DLG1: variants seen among roughly 807,000 people sequenced by gnomAD.
DLG1 encodes the protein disks large homolog 1.
DLG1 carries 42 observed loss-of-function variants against 123.4 expected under a neutral mutation model. The ratio of observed to expected loss-of-function variants is 0.34; its 90% CI spans 0.27 to 0.44. DLG1 has a LOEUF of 0.44. Among genes scored for constraint, DLG1 ranks in the 20% least tolerant of loss-of-function variants. The pLI is 1.00. For synonymous variants in DLG1, 317 were observed against 356.2 expected (o/e 0.89, Z 1.24); for missense variants, 942 against 1,082.6 (o/e 0.87, Z 1.82).
chr3:197,102,573 G>A (rs527796839), intron 14 of DLG1, among the ~76,000 whole-genome samples: 1 of 152,262 alleles, frequency 6.6e-6, no homozygotes, highest in Non-Finnish European at 1.5e-5. Flanking sequence ...TGAATGTGAG[G>A]CTACTTTTAA....
chr3:197,256,786 T>C (rs1239824441), intron 4 of DLG1, among the ~76,000 whole-genome samples: 1 of 152,102 alleles, frequency 6.6e-6, no homozygotes, highest in Non-Finnish European at 1.5e-5. Context: ...CCTCACCATA[T>C]AAAATGAGGA....
chr3:197,128,250 G>A (rs73891628), intron 11 of DLG1, among the ~76,000 whole-genome samples: 37 of 152,196 alleles, frequency 2.4e-4, no homozygotes, highest in African/African-American at 7.5e-4. Flanking sequence ...CTTTGTTGCC[G>A]TTTCGATAAT....
At position 197,194,490 on chromosome 3, in the gene DLG1, T is replaced by G; in HGVS notation, c.418A>C (p.Lys140Gln). 1 of 1,606,530 alleles carries G rather than the reference T, an allele frequency of 6.2e-7. No homozygotes were observed. The highest frequency in any genetic ancestry group is 8.5e-7 in the Non-Finnish European group (1 of 1,177,134). Residue 140 changes from lysine to glutamine, a missense_variant, in exon 5 of 25, where the codon AAG becomes CAG. Physicochemically the swap from Lys to Gln is moderately conservative, Grantham distance 53. Coordinates refer to ENST00000667157, the MANE Select transcript of DLG1 (RefSeq NM_001366207.1). ...ACATTCTCAATCTCTGATAAGTTCT[T>G]CTCTGAGACATGAACCAATTCTGGA... is the stretch of plus-strand genomic sequence containing the variant. ...IGPELVHVSE[K>Q]NLSEIENVHG...
intron 11 of DLG1, among the ~76,000 whole-genome samples, chr3:197,120,745 A>G (rs1019034495): frequency 5.3e-5 from 8 of 152,228 alleles, no homozygotes; most frequent in Non-Finnish European, 1.2e-4. Context: ...AAATGACTGA[A>G]ACGATAGTAT....
chr3:197,075,517 G>A (rs907746240), intron 18 of DLG1, among the ~76,000 whole-genome samples: 3 of 151,380 alleles, frequency 2.0e-5, no homozygotes, highest in African/African-American at 7.3e-5. Flanking sequence ...TAATAATGAG[G>A]GTACATTTAA....
chr3:197,145,835 G>A (rs1351613569), intron 6 of DLG1, among the ~76,000 whole-genome samples: 4 of 140,226 alleles, frequency 2.9e-5, no homozygotes, highest in Non-Finnish European at 6.2e-5. Flanking sequence ...GGTGGTGCAC[G>A]TCTTTAATCC....
intron 5 of DLG1, among the ~76,000 whole-genome samples, chr3:197,185,160 A>C (rs1715070887): frequency 1.3e-5 from 2 of 152,242 alleles, no homozygotes; most frequent in African/African-American, 4.8e-5. Context: ...TCTAATTTTT[A>C]AGCTGATAAG....
At chr3:197,082,913 G>GCTTT (rs1223980701) in intron 16 of DLG1, among the ~76,000 whole-genome samples, 5 of 152,062 alleles carry the variant, frequency 3.3e-5, no homozygotes, top group African/African-American at 9.7e-5. Context: ...TTTATTATTG[G>GCTTT]GTGTAGGCAC....
chr3:197,193,710 T>C (rs1720888929), intron 5 of DLG1, among the ~76,000 whole-genome samples: 1 of 152,158 alleles, frequency 6.6e-6, no homozygotes, highest in Non-Finnish European at 1.5e-5. Context: ...AAATATATGG[T>C]AGAACTTTAA....
At chr3:197,232,438 T>C (rs564259618) in intron 4 of DLG1, among the ~76,000 whole-genome samples, 8 of 151,854 alleles carry the variant, frequency 5.3e-5, no homozygotes, top group Admixed American at 3.3e-4. Flanking sequence ...AAAACTATTA[T>C]TTTAGAAAAA....
intron 19 of DLG1, among the ~76,000 whole-genome samples, chr3:197,068,245 T>G (rs1741103908): frequency 6.6e-6 from 1 of 152,206 alleles, no homozygotes; most frequent in African/African-American, 2.4e-5. Context: ...ATTTCACACC[T>G]TAATAATTCA....
At chr3:197,292,914 G>A (rs11917920) in intron 3 of DLG1, among the ~76,000 whole-genome samples, 20,618 of 152,106 alleles carry the variant, frequency 0.14, 1,472 homozygotes, top group Middle Eastern at 0.15. Context: ...CTCTGATCCC[G>A]TAAGAAATAA....
At chr3:197,297,458 C>T (rs1353376735) in intron 1 of DLG1, 1 of 1,362,224 alleles carries the variant, frequency 7.3e-7, no homozygotes, top group East Asian at 2.9e-5. Flanking sequence ...AAGTCGGCTT[C>T]CAAACTCTCC....
chr3:197,285,791 C>A (rs535481402), intron 3 of DLG1, among the ~76,000 whole-genome samples: 1 of 152,310 alleles, frequency 6.6e-6, no homozygotes, highest in South Asian at 2.1e-4. Flanking sequence ...CAAAATGGTA[C>A]AACCACTTTG....
At position 197,194,542 on chromosome 3, in the gene DLG1, G is replaced by A; in HGVS notation, c.366C>T (p.Ser122=). ...DEDTPPQEHI[S]PQITNEVIGP... ...CTATCACTTCATTTGTGATTTGTGGGGAAATATGCTCTTGAGGAGGTGTAT... is the reference window on the plus strand; with the variant it reads ...CTATCACTTCATTTGTGATTTGTGGAGAAATATGCTCTTGAGGAGGTGTAT... The change falls in exon 5 of 25, where the codon TCC becomes TCT. Residue 122 remains serine (S), a synonymous_variant. Coordinates refer to ENST00000667157, the MANE Select transcript of DLG1 (RefSeq NM_001366207.1). 1 of 1,605,134 alleles carries A rather than the reference G, an allele frequency of 6.2e-7. No individual in the cohort carries two copies.
chr3:197,297,266 A>AT, intron 1 of DLG1, 31 bp from the exon 2 acceptor site: 1 of 1,612,152 alleles, frequency 6.2e-7, no homozygotes, highest in Non-Finnish European at 8.5e-7. Context: ...AGGAAAAAGG[A>AT]TAGAATCATG....
intron 23 of DLG1, among the ~76,000 whole-genome samples, chr3:197,054,679 C>T (rs1278411892): frequency 6.6e-6 from 1 of 152,084 alleles, no homozygotes; most frequent in Non-Finnish European, 1.5e-5. Flanking sequence ...AGGTCTCCCT[C>T]TGTTGCTCAG....
rs962646183 is a variant in DLG1, at chr3:197,067,256, T to G, written c.2048-502A>C. Among the ~76,000 whole-genome samples, 8 of 152,050 alleles carry G rather than the reference T, an allele frequency of 5.3e-5. No individual in the cohort carries two copies. The South Asian group carries it at 1.7e-3, about 32-fold the overall frequency. ...ATTATAAATGCAAAGGTAAAACTAC[T>G]GTTACTATTTCACTGATGAAAAATT... is the stretch of plus-strand genomic sequence containing the variant. On this transcript the variant is annotated intron_variant, in intron 19 of 24. Transcript: ENST00000667157.
chr3:197,161,544 T>C, intron 5 of DLG1: 1 of 723,194 alleles, frequency 1.4e-6, no homozygotes, highest in East Asian at 3.4e-5. Flanking sequence ...AATTACCAAA[T>C]TACAAAAAAC....
Sources: gnomAD v4.1 joint callset for allele counts (sites outside exome capture counted in the v4.1 genomes callset) on GRCh38, gnomAD v4.1.1 for gene constraint, MANE v1.5 for transcripts, NCBI Gene and HGNC (gene_info 2026-07-23, HGNC 2026-07-21) for gene names.